The following NHS variants were observed in gnomAD, a reference collection of about 807,000 sequenced individuals.
The protein encoded by NHS is NHS actin remodeling regulator.
In NHS, 5 loss-of-function variants were observed where a neutral mutation model predicts 72.5. The observed-to-expected ratio is 0.07, with a 90% CI of 0.04 to 0.14. The LOEUF is 0.14. Ranked by LOEUF, NHS falls within the 10% of genes least tolerant of loss-of-function variation. NHS has a pLI of 1.00. For synonymous variants in NHS, 464 were observed against 547.7 expected, an observed-to-expected ratio of 0.85 and a Z score of 2.13; for missense variants, 1,072 against 1,355.7, an observed-to-expected ratio of 0.79 and a Z score of 3.29.
At chrX:17,424,422 C>T (rs2064639367) in intron 1 of NHS, among the ~76,000 whole-genome samples, 1 of 111,571 alleles carries the variant, frequency 9.0e-6, no homozygotes, top group Non-Finnish European at 1.9e-5. Context: ...TTGATTGGGC[C>T]TACAGATTGC....
In NHS at chrX:17,500,668, T is replaced by C. The variant is rs112002989; in HGVS notation, c.565+124346T>C. On this transcript the variant is annotated intron_variant, in intron 1 of 8. Coordinates refer to ENST00000676302, the MANE Select transcript of NHS (RefSeq NM_001291867.2). ...GACTTTATGAGCTTTAAGCGGTAAC[T>C]TGATGGAAGACTTTACGCCTCTGCA... Among the ~76,000 whole-genome samples the C allele has an allele frequency of 5.8e-3, 655 of 112,085 alleles. 3 individuals are homozygous for C. The highest frequency in any genetic ancestry group is 0.02 in the African/African-American group (611 of 30,894).
At chrX:17,568,650 A>G (rs866285561) in intron 1 of NHS, among the ~76,000 whole-genome samples, 1 of 93,496 alleles carries the variant, frequency 1.1e-5, no homozygotes, top group East Asian at 3.2e-4. Flanking sequence ...TTACTTAGTT[A>G]TTATTATTAT....
chrX:17,731,074 T>G (rs929593224), intron 8 of NHS, among the ~76,000 whole-genome samples: 1 of 111,033 alleles, frequency 9.0e-6, no homozygotes, highest in Non-Finnish European at 1.9e-5. Context: ...CACACCTCCA[T>G]CCACTTGCTT....
chrX:17,711,460 G>A (rs774316595), intron 3 of NHS, among the ~76,000 whole-genome samples: 1 of 112,338 alleles, frequency 8.9e-6, no homozygotes, highest in South Asian at 3.8e-4. Context: ...CATTTAAAAT[G>A]CTTCATTAAT....
At chrX:17,633,025 G>T (rs2065827702) in intron 1 of NHS, among the ~76,000 whole-genome samples, 1 of 111,552 alleles carries the variant, frequency 9.0e-6, no homozygotes, top group African/African-American at 3.3e-5. Context: ...GCTTACTTAT[G>T]CTGTAGATTT....
intron 1 of NHS, among the ~76,000 whole-genome samples, chrX:17,678,315 A>G (rs1006287226): frequency 2.8e-5 from 3 of 108,603 alleles, no homozygotes; most frequent in African/African-American, 1.0e-4. Context: ...AGAGAGAGAG[A>G]GACAGAGAAT....
At chrX:17,521,523 T>A (rs757490992) in intron 1 of NHS, among the ~76,000 whole-genome samples, 17 of 110,069 alleles carry the variant, frequency 1.5e-4, no homozygotes, top group Admixed American at 8.7e-4. Context: ...CCACAATATG[T>A]GGCTAATTTT....
At chrX:17,573,002 C>T (rs990263001) in intron 1 of NHS, among the ~76,000 whole-genome samples, 14 of 111,992 alleles carry the variant, frequency 1.3e-4, no homozygotes, top group East Asian at 2.8e-4. Context: ...TGTTGAATAT[C>T]GGCCCCCACT....
chrX:17,590,031 G>A (rs2065595333), intron 1 of NHS, among the ~76,000 whole-genome samples: 1 of 111,555 alleles, frequency 9.0e-6, no homozygotes, highest in Non-Finnish European at 1.9e-5. Context: ...AATACATGAA[G>A]TTTTAAATGT....
chrX:17,421,953 C>T (rs2064626242), intron 1 of NHS, among the ~76,000 whole-genome samples: 2 of 112,162 alleles, frequency 1.8e-5, no homozygotes, highest in Admixed American at 9.5e-5. Flanking sequence ...GTGAATAAAT[C>T]TTAAGTGTAT....
At chrX:17,634,544 T>C (rs1358690507) in intron 1 of NHS, among the ~76,000 whole-genome samples, 1 of 111,845 alleles carries the variant, frequency 8.9e-6, no homozygotes, top group Admixed American at 9.4e-5. Flanking sequence ...AACATAAGGC[T>C]ATTAGGGCAA....
Position 17,415,731 on chromosome X carries a change from T to C in NHS, c.565+39409T>C, listed in dbSNP as rs73458413. Among the ~76,000 whole-genome samples, 386 of 112,073 alleles carry C rather than the reference T, an allele frequency of 3.4e-3. 3 individuals are homozygous for C. Among genetic ancestry groups the C allele is most frequent in the African/African-American group, 0.012 (364 of 30,882 alleles). ...AGGAGGCATTTCTGAAGGGAGAGTATGGCACAAACATTCCACAAGTTGGAG... is the reference window on the plus strand; with the variant it reads ...AGGAGGCATTTCTGAAGGGAGAGTACGGCACAAACATTCCACAAGTTGGAG... On this transcript the variant is annotated intron_variant, in intron 1 of 8. Coordinates refer to ENST00000676302, the MANE Select transcript of NHS (RefSeq NM_001291867.2).
Position 17,721,523 on chromosome X carries a change from T to G in NHS, c.998T>G (p.Leu333Arg). Residue 333 changes from leucine (L) to arginine (R), a missense_variant, in exon 5 of 9, where the codon CTG (leucine) becomes CGG (arginine). Leu to Arg is a moderately radical substitution (Grantham distance 102). Coordinates refer to ENST00000676302, the MANE Select transcript of NHS (RefSeq NM_001291867.2). ...CCAATACACAATATCCCTTCCACAC[T>G]GGACAAGCAGACCAACTGGAGCAAA... is the stretch of plus-strand genomic sequence containing the variant. ...KNPIHNIPST[L>R]DKQTNWSKAL... 1 of 1,211,506 alleles carries G rather than the reference T, an allele frequency of 8.3e-7. No individual in the cohort carries two copies. Among genetic ancestry groups the G allele is most frequent in the Non-Finnish European group, 1.1e-6 (1 of 895,349 alleles).
chrX:17,538,906 T>C (rs73636651), intron 1 of NHS, among the ~76,000 whole-genome samples: 1,616 of 112,277 alleles, frequency 0.014, 23 homozygotes, highest in South Asian at 0.083. Context: ...TGCTTCCCTG[T>C]CTAGCCACTG....
At chrX:17,523,994 A>G (rs2065162133) in intron 1 of NHS, among the ~76,000 whole-genome samples, 1 of 111,878 alleles carries the variant, frequency 8.9e-6, no homozygotes, top group Admixed American at 9.5e-5. Flanking sequence ...AGCTGGGAAG[A>G]GAGCTGGCTC....
intron 1 of NHS, among the ~76,000 whole-genome samples, chrX:17,550,948 G>A (rs1463619228): frequency 9.0e-6 from 1 of 110,831 alleles, no homozygotes; most frequent in Non-Finnish European, 1.9e-5. Flanking sequence ...GCTGGCCCTA[G>A]AACACACCAA....
Position 17,594,732 on chromosome X carries a change from C to T in NHS, c.566-93010C>T, listed in dbSNP as rs146702301. 1.1e-4 allele frequency among the ~76,000 whole-genome samples: 12 copies of T among 112,727 alleles called. No homozygotes were observed. The East Asian group carries it at 2.8e-3, about 26-fold the overall frequency. ...TCTTGTGCACGCCCTTCATTGAGAG[C>T]GTCCTCTCAGAAGGGGCATAAGGGA... On this transcript the variant is annotated intron_variant, in intron 1 of 8. Coordinates refer to ENST00000676302, the MANE Select transcript of NHS (RefSeq NM_001291867.2).
chrX:17,522,172 G>T (rs2065151526), intron 1 of NHS, among the ~76,000 whole-genome samples: 1 of 112,435 alleles, frequency 8.9e-6, no homozygotes, highest in Non-Finnish European at 1.9e-5. Flanking sequence ...ATTCTTTGTG[G>T]CATTTTAAGG....
intron 3 of NHS, 103 bp from the exon 4 acceptor site, chrX:17,719,241 C>A: frequency 1.5e-6 from 1 of 660,988 alleles, no homozygotes; most frequent in Non-Finnish European, 2.3e-6. Flanking sequence ...GGAAGTTATC[C>A]CAGTATATTA....
Sources: allele counts gnomAD v4.1 joint callset (sites outside exome capture counted in the v4.1 genomes callset), GRCh38; gene constraint gnomAD v4.1.1; transcripts MANE v1.5; gene names NCBI Gene and HGNC (gene_info 2026-07-23, HGNC 2026-07-21).